The following DPEP1 variants were observed in gnomAD, a reference collection of about 807,000 sequenced individuals.
DPEP1 encodes the protein dipeptidase 1, also known as beta-lactamase.
Under a neutral mutation model 42.3 loss-of-function variants are expected in DPEP1, and 50 were observed. The ratio of observed to expected loss-of-function variants is 1.18; its 90% CI spans 0.94 to 1.50. The LOEUF (loss-of-function observed/expected upper bound fraction) is 1.50. DPEP1 is among the 40% of genes most tolerant of loss of function. The probability of loss-of-function intolerance (pLI) is 0.00; values close to 1 mark genes in which losing one functional copy is unlikely to be tolerated. For synonymous variants in DPEP1, 297 were observed against 234.0 expected (o/e 1.27, Z -2.46); for missense variants, 663 against 553.0 (o/e 1.20, Z -1.99).
At chr16:89,638,742 G>GCA (rs1306619991), downstream of DPEP1, among the ~76,000 whole-genome samples, 7 of 62,318 alleles carry the variant, frequency 1.1e-4, no homozygotes, top group Non-Finnish European at 2.1e-4. Flanking sequence ...CCGCACCCCT[G>GCA]CACACACACA....
chr16:89,641,096 C>G (rs2059739438), downstream of DPEP1, among the ~76,000 whole-genome samples: 3 of 152,232 alleles, frequency 2.0e-5, no homozygotes, highest in Non-Finnish European at 2.9e-5. Flanking sequence ...AGTACTTTCA[C>G]TAATTCTGCT....
At chr16:89,628,442 G>C (rs1372396802) in intron 1 of DPEP1, among the ~76,000 whole-genome samples, 2 of 149,594 alleles carry the variant, frequency 1.3e-5, no homozygotes, top group East Asian at 4.0e-4. Flanking sequence ...ATTTTTAGTA[G>C]AGACGGGGTT....
At chr16:89,622,653 G>T (rs1010984979) in intron 1 of DPEP1, among the ~76,000 whole-genome samples, 1 of 151,682 alleles carries the variant, frequency 6.6e-6, no homozygotes, top group Non-Finnish European at 1.5e-5. Context: ...GCGTGGTGGC[G>T]GGCACCTGTA....
At chr16:89,628,360 C>T (rs1410317732) in intron 1 of DPEP1, among the ~76,000 whole-genome samples, 2 of 150,150 alleles carry the variant, frequency 1.3e-5, no homozygotes, top group African/African-American at 4.9e-5. Flanking sequence ...CGGATTCAAG[C>T]GATTCTCCTG....
chr16:89,614,601 T>C (rs1002206803), intron 1 of DPEP1, among the ~76,000 whole-genome samples: 1 of 152,130 alleles, frequency 6.6e-6, no homozygotes, highest in East Asian at 1.9e-4. Flanking sequence ...GAGACCATCC[T>C]GGCTAACACG....
intron 5 of DPEP1, 82 bp downstream of exon 5, chr16:89,636,765 T>C (rs2059686276): frequency 2.5e-6 from 4 of 1,601,232 alleles, no homozygotes; most frequent in South Asian, 2.2e-5. Flanking sequence ...CCAGAGCCCA[T>C]CCCCTCTGCC....
chr16:89,616,734 A>G, intron 1 of DPEP1: 1 of 262,458 alleles, frequency 3.8e-6, no homozygotes, highest in Non-Finnish European at 7.6e-6. Context: ...GCTGGCAGGA[A>G]GTGGCTGGGA....
At chr16:89,636,076 G>T (rs768045745) in intron 3 of DPEP1, 36 bp downstream of exon 3, 1 of 1,583,028 alleles carries the variant, frequency 6.3e-7, no homozygotes. Flanking sequence ...GCCCTGTGTG[G>T]GGTCATCCCG....
rs377501086 is a variant in DPEP1, at chr16:89,636,710, C to T, written c.521+27C>T. On this transcript the variant is annotated intron_variant, in intron 5 of 10. Coordinates refer to ENST00000690203, the MANE Select transcript of DPEP1 (RefSeq NM_001389466.1). ...TGCGTGACTCCCCATGGGAGGCCCC[C>T]GGGCTGTGGTCAGGAGGGAGGGGGC... is the stretch of plus-strand genomic sequence containing the variant. The T allele has an allele frequency of 1.1e-4, 183 of 1,610,368 alleles. 1 individual carries two copies. The highest frequency in any genetic ancestry group is 1.1e-3 in the South Asian group (103 of 90,974).
At chr16:89,624,677 G>C (rs2059486256) in intron 1 of DPEP1, among the ~76,000 whole-genome samples, 1 of 152,080 alleles carries the variant, frequency 6.6e-6, no homozygotes, top group African/African-American at 2.4e-5. Context: ...TGGGATGACA[G>C]GCGCCCGCAA....
chr16:89,638,603 TTAGG>T, downstream of DPEP1: 1 of 663,678 alleles, frequency 1.5e-6, no homozygotes, highest in African/African-American at 2.0e-5. Flanking sequence ...TTGAGCGTCT[TTAGG>T]GACAGTCTAG....
chr16:89,640,158 G>T (rs961648712), downstream of DPEP1, among the ~76,000 whole-genome samples: 1 of 152,170 alleles, frequency 6.6e-6, no homozygotes, highest in African/African-American at 2.4e-5. Context: ...GGCCTCCAAG[G>T]GTTCGTCTTG....
intron 2 of DPEP1, among the ~76,000 whole-genome samples, chr16:89,634,341 C>T (rs1379853155): frequency 6.6e-6 from 1 of 152,154 alleles, no homozygotes; most frequent in Non-Finnish European, 1.5e-5. Context: ...CCCACCTCGG[C>T]CTCCCAAAGT....
intron 1 of DPEP1, among the ~76,000 whole-genome samples, chr16:89,628,888 A>G (rs1403926059): frequency 2.6e-5 from 4 of 151,762 alleles, no homozygotes; most frequent in African/African-American, 7.3e-5. Context: ...GTGCAGTGGC[A>G]TGATCTTGGC....
At chr16:89,631,570 A>G (rs1319851217) in intron 2 of DPEP1, among the ~76,000 whole-genome samples, 1 of 152,188 alleles carries the variant, frequency 6.6e-6, no homozygotes, top group East Asian at 1.9e-4. Flanking sequence ...AACTTCAGGG[A>G]ACAGTCCAGG....
intron 1 of DPEP1, among the ~76,000 whole-genome samples, chr16:89,615,178 G>C (rs530569175): frequency 6.6e-6 from 1 of 152,358 alleles, no homozygotes; most frequent in East Asian, 1.9e-4. Flanking sequence ...CCAGTCGGAG[G>C]CCAGGAGCAG....
At chr16:89,632,304 C>T (rs984044002) in intron 2 of DPEP1, among the ~76,000 whole-genome samples, 12 of 152,178 alleles carry the variant, frequency 7.9e-5, no homozygotes, top group Non-Finnish European at 7.3e-5. Context: ...CCGCCCGCCT[C>T]GGCCTCCCAC....
intron 1 of DPEP1, among the ~76,000 whole-genome samples, chr16:89,628,492 A>G (rs186573023): frequency 1.3e-4 from 17 of 134,376 alleles, no homozygotes; most frequent in African/African-American, 4.5e-4. Flanking sequence ...TCCTGACCTC[A>G]GGTGATCCGC....
In DPEP1 at chr16:89,638,389, GACAC is replaced by G. The variant is rs145407511; in HGVS notation, c.*175_*178del. 3 of 1,405,608 alleles carry G rather than the reference GACAC, an allele frequency of 2.1e-6. No homozygotes were observed. Among genetic ancestry groups the G allele is most frequent in the East Asian group, 2.6e-5 (1 of 38,148 alleles). The allele number at this position is 1,405,608 out of a possible 1,614,324, so 87.1% of individuals were successfully genotyped here. ...GGCAGGATGCCTGGGGACAGTTCAGGACACACACACAGTAGGCCCGCAATAAAAG... is the reference window on the plus strand; with the variant it reads ...GGCAGGATGCCTGGGGACAGTTCAGGACACACAGTAGGCCCGCAATAAAAG... On this transcript the variant is annotated 3_prime_UTR_variant, in exon 11 of 11. Transcript: ENST00000690203.
Sources: gnomAD v4.1 joint callset for allele counts (sites outside exome capture counted in the v4.1 genomes callset) on GRCh38, gnomAD v4.1.1 for gene constraint, MANE v1.5 for transcripts, NCBI Gene and HGNC (gene_info 2026-07-23, HGNC 2026-07-21) for gene names.